TMPRSS7: variants seen among roughly 807,000 people sequenced by gnomAD.
TMPRSS7 encodes transmembrane serine protease 7.
A neutral mutation model predicts 95.6 loss-of-function variants in TMPRSS7; 81 were observed. That is an observed-to-expected ratio of 0.85 (90% CI 0.71 to 1.02). TMPRSS7 has a LOEUF of 1.02. Ranked by LOEUF, TMPRSS7 falls within the 50% of genes least tolerant of loss-of-function variation. The probability of loss-of-function intolerance (pLI) is 0.00; values close to 1 mark genes in which losing one functional copy is unlikely to be tolerated. For missense variants in TMPRSS7, 945 were observed against 955.2 expected (o/e 0.99, Z 0.14); for synonymous variants, 364 against 337.8 (o/e 1.08, Z -0.85).
chr3:112,063,413 T>G, intron 11 of TMPRSS7, 112 bp from the exon 12 acceptor site: 1 of 759,412 alleles, frequency 1.3e-6, no homozygotes. Context: ...TAATTATTAC[T>G]GCTACCCTGC....
At chr3:112,053,814 G>A (rs2073395567) in intron 9 of TMPRSS7, among the ~76,000 whole-genome samples, 3 of 152,162 alleles carry the variant, frequency 2.0e-5, no homozygotes, top group Admixed American at 1.3e-4. Context: ...CCTTTTCTGG[G>A]TTTCTAAAGA....
intron 11 of TMPRSS7, 85 bp downstream of exon 11, chr3:112,062,008 A>G: frequency 1.9e-6 from 2 of 1,040,106 alleles, no homozygotes; most frequent in Non-Finnish European, 2.6e-6. Flanking sequence ...AGAATTTAAG[A>G]AATGAATACT....
chr3:112,051,794 A>G (rs982832073), intron 9 of TMPRSS7, among the ~76,000 whole-genome samples: 2 of 152,126 alleles, frequency 1.3e-5, no homozygotes, highest in Non-Finnish European at 2.9e-5. Context: ...TTCTCCACCT[A>G]TAATATCACA....
chr3:112,038,447 A>C (rs1576094041), intron 2 of TMPRSS7, 126 bp downstream of exon 2: 1 of 598,404 alleles, frequency 1.7e-6, no homozygotes, highest in South Asian at 2.1e-5. Flanking sequence ...TGGATACACC[A>C]TTTCCAAAAC....
intron 17 of TMPRSS7, among the ~76,000 whole-genome samples, chr3:112,079,522 A>T (rs897864393): frequency 1.3e-5 from 2 of 152,178 alleles, no homozygotes; most frequent in Non-Finnish European, 2.9e-5. Context: ...AAACATCATG[A>T]GATTTTTTTT....
At chr3:112,074,494 G>A (rs2107762466) in intron 14 of TMPRSS7, 82 bp downstream of exon 14, 1 of 1,066,698 alleles carries the variant, frequency 9.4e-7, no homozygotes, top group Non-Finnish European at 1.4e-6. Flanking sequence ...CCTTCTTGGT[G>A]TATTTCCCTT....
Position 112,047,791 on chromosome 3 carries a change from G to C in TMPRSS7, c.783G>C (p.Pro261=), listed in dbSNP as rs1321688221. Reference sequence around the variant, plus strand: ...CAGAGCATCTGTCTCTCCACTACCCGCTGGAGATTTCTGCAGCCTCAGGGA... The same window carrying C: ...CAGAGCATCTGTCTCTCCACTACCCCCTGGAGATTTCTGCAGCCTCAGGGA... Residue 261 remains proline, a synonymous_variant, in exon 7 of 18, where the codon CCG becomes CCC. Transcript: ENST00000452346. 3 of 1,613,882 alleles carry C rather than the reference G, an allele frequency of 1.9e-6. No homozygotes were observed. The East Asian group carries it at 6.7e-5, about 36-fold the overall frequency.
rs1469716121 is a variant in TMPRSS7 at position 112,074,201 on chromosome 3, AT to A, written c.1667-89del. On this transcript the variant is annotated intron_variant, in intron 13 of 17. Coordinates refer to ENST00000452346, the Ensembl canonical transcript of TMPRSS7. ...CAAATACCAATCCTGTGATTAAACC[AT>A]TTTTTATGGGGTTTGGAGTTATTCA... 1.9e-5 allele frequency: 17 copies of A among 882,402 alleles called. No individual in the cohort carries two copies. The East Asian group carries it at 2.6e-4, about 13-fold the overall frequency. The allele number at this position is 882,402 out of a possible 1,614,324, so 54.7% of individuals were successfully genotyped here.
intron 15 of TMPRSS7, 32 bp from the exon 16 acceptor site, chr3:112,076,844 G>A: frequency 6.2e-7 from 1 of 1,601,886 alleles, no homozygotes. Context: ...TCTTTAAGCT[G>A]CTAACTTTAT....
intron 6 of TMPRSS7, 54 bp downstream of exon 6, chr3:112,047,066 G>A (rs1245446590): frequency 1.0e-5 from 7 of 691,928 alleles, no homozygotes; most frequent in Non-Finnish European, 1.6e-5. Context: ...GTTTTTGGCT[G>A]TAATTTTCAT....
intron 12 of TMPRSS7, among the ~76,000 whole-genome samples, chr3:112,064,874 G>A (rs1418523093): frequency 3.3e-5 from 5 of 152,136 alleles, no homozygotes; most frequent in Non-Finnish European, 7.3e-5. Flanking sequence ...TGGACTATGT[G>A]ACACCATTGG....
intron 10 of TMPRSS7, among the ~76,000 whole-genome samples, chr3:112,060,293 T>A (rs935866674): frequency 6.6e-6 from 1 of 152,176 alleles, no homozygotes; most frequent in Non-Finnish European, 1.5e-5. Flanking sequence ...ACATTGTCAT[T>A]GATAACATCT....
At chr3:112,053,199 G>A (rs978584516) in intron 9 of TMPRSS7, among the ~76,000 whole-genome samples, 1 of 147,004 alleles carries the variant, frequency 6.8e-6, no homozygotes, top group Non-Finnish European at 1.5e-5. Flanking sequence ...AAAAAAACTC[G>A]ATGACTTAAG....
intron 14 of TMPRSS7, among the ~76,000 whole-genome samples, chr3:112,075,056 T>A (rs1054346707): frequency 6.6e-6 from 1 of 152,224 alleles, no homozygotes; most frequent in Non-Finnish European, 1.5e-5. Flanking sequence ...GGCAGCTGTT[T>A]GTGTCAGTTC....
At chr3:112,055,085 TA>T (rs1168953678) in intron 9 of TMPRSS7, among the ~76,000 whole-genome samples, 1 of 151,796 alleles carries the variant, frequency 6.6e-6, no homozygotes, top group African/African-American at 2.4e-5. Context: ...TGAGAAGACT[TA>T]AAAAAAATTG....
At chr3:112,041,397 T>C (rs1038272661) in intron 2 of TMPRSS7, among the ~76,000 whole-genome samples, 1 of 152,162 alleles carries the variant, frequency 6.6e-6, no homozygotes, top group East Asian at 1.9e-4. Flanking sequence ...AGCATTTCCA[T>C]GTGCTGGGCC....
intron 15 of TMPRSS7, among the ~76,000 whole-genome samples, chr3:112,076,131 G>T (rs1171917840): frequency 6.6e-6 from 1 of 152,128 alleles, no homozygotes; most frequent in Non-Finnish European, 1.5e-5. Context: ...ATTTCTTTGG[G>T]TGTCCATTGA....
At position 112,064,205 on chromosome 3, in the gene TMPRSS7, G is replaced by A. The variant is rs145786848; in HGVS notation, c.1555+573G>A. ...TTAATTTACCACAATCTTAAACACC[G>A]AAATCCTGTTTGAAGGCACAGATTC... On this transcript the variant is annotated intron_variant, in intron 12 of 17. Coordinates refer to ENST00000452346, the Ensembl canonical transcript of TMPRSS7. Among the ~76,000 whole-genome samples the A allele has an allele frequency of 2.9e-3, 435 of 152,246 alleles. 1 individual carries two copies. Among genetic ancestry groups the A allele is most frequent in the African/African-American group, 0.01 (418 of 41,550 alleles).
chr3:112,048,078 CAT>C (rs1241105765), intron 7 of TMPRSS7, 111 bp downstream of exon 7: 6 of 954,798 alleles, frequency 6.3e-6, no homozygotes, highest in Admixed American at 4.5e-5. Flanking sequence ...TGTGTGCACA[CAT>C]GAGGTCAATG....
Sources: allele counts gnomAD v4.1 joint callset (sites outside exome capture counted in the v4.1 genomes callset), GRCh38; gene constraint gnomAD v4.1.1; transcripts MANE v1.5; gene names NCBI Gene and HGNC (gene_info 2026-07-23, HGNC 2026-07-21).